Variants in CSNK2A2IP observed in about 807,000 individuals in gnomAD.
The protein encoded by CSNK2A2IP is casein kinase 2 subunit alpha' interacting protein.
At chr3:88,442,250 G>A in the CSNK2A2IP span, among the ~76,000 whole-genome samples, 1 of 151,954 alleles carries the variant, frequency 6.6e-6, no homozygotes, top group African/African-American at 2.4e-5. Context: ...AGGTTGTTCA[G>A]GCTGGTCTCC....
the CSNK2A2IP span, among the ~76,000 whole-genome samples, chr3:88,400,460 A>G: frequency 6.6e-6 from 1 of 152,210 alleles, no homozygotes; most frequent in Non-Finnish European, 1.5e-5. Context: ...GTATATTATC[A>G]TACATGGCAA....
At chr3:88,380,901 C>T in the CSNK2A2IP span, among the ~76,000 whole-genome samples, 1 of 152,124 alleles carries the variant, frequency 6.6e-6, no homozygotes, top group South Asian at 2.1e-4. Context: ...CTAATATCTT[C>T]CAGCTAAGTG....
the CSNK2A2IP span, among the ~76,000 whole-genome samples, chr3:88,363,742 G>A: frequency 6.6e-6 from 1 of 152,122 alleles, no homozygotes; most frequent in Admixed American, 6.6e-5. Flanking sequence ...TTTATGACTT[G>A]TTCACTGGGT....
chr3:88,405,709 C>T, the CSNK2A2IP span, among the ~76,000 whole-genome samples: 1 of 152,134 alleles, frequency 6.6e-6, no homozygotes, highest in South Asian at 2.1e-4. Context: ...TTGAGCATGT[C>T]GTATATTTCC....
chr3:88,405,995 A>C, the CSNK2A2IP span, among the ~76,000 whole-genome samples: 76 of 152,232 alleles, frequency 5.0e-4, no homozygotes, highest in East Asian at 0.015. Context: ...GAGTGGAGCT[A>C]TATTAGATAA....
At chr3:88,386,252 G>A in the CSNK2A2IP span, among the ~76,000 whole-genome samples, 1 of 151,972 alleles carries the variant, frequency 6.6e-6, no homozygotes, top group African/African-American at 2.4e-5. Flanking sequence ...AGTCTCCCAA[G>A]TTGCTGGGAT....
chr3:88,430,692 A>C, the CSNK2A2IP span, among the ~76,000 whole-genome samples: 1 of 152,156 alleles, frequency 6.6e-6, no homozygotes, highest in Admixed American at 6.5e-5. Flanking sequence ...ATGTAAGATA[A>C]ATTTTCAGAT....
the CSNK2A2IP span, among the ~76,000 whole-genome samples, chr3:88,462,763 G>A: frequency 0.29 from 44,370 of 151,940 alleles, 7,181 homozygotes; most frequent in East Asian, 0.48. Context: ...TCTCTGGAAA[G>A]AGAAATAACT....
the CSNK2A2IP span, among the ~76,000 whole-genome samples, chr3:88,364,896 C>A: frequency 6.6e-6 from 1 of 152,158 alleles, no homozygotes; most frequent in Non-Finnish European, 1.5e-5. Flanking sequence ...ATTTATTTAG[C>A]ACCTACAATG....
the CSNK2A2IP span, among the ~76,000 whole-genome samples, chr3:88,397,901 A>C: frequency 3.3e-5 from 5 of 152,030 alleles, no homozygotes; most frequent in Non-Finnish European, 7.4e-5. Context: ...GGTGCCATCT[A>C]CTATTTTATT....
the CSNK2A2IP span, among the ~76,000 whole-genome samples, chr3:88,345,292 T>C: frequency 6.6e-6 from 1 of 152,042 alleles, no homozygotes. Flanking sequence ...ATTCATGTTA[T>C]TAAATTCTCA....
the CSNK2A2IP span, among the ~76,000 whole-genome samples, chr3:88,448,094 C>T: frequency 6.6e-6 from 1 of 152,100 alleles, no homozygotes. Flanking sequence ...AATAAGGAAC[C>T]TGGTGGAGGG....
chr3:88,418,463 T>TGCACGC, the CSNK2A2IP span, among the ~76,000 whole-genome samples: 1 of 149,536 alleles, frequency 6.7e-6, no homozygotes, highest in African/African-American at 2.5e-5. Context: ...TGTGTGTGTG[T>TGCACGC]GCGCGCGGGC....
At chr3:88,396,853 A>G in the CSNK2A2IP span, among the ~76,000 whole-genome samples, 13,746 of 152,258 alleles carry the variant, frequency 0.09, 792 homozygotes, top group Middle Eastern at 0.13. Context: ...GGGTACAGCA[A>G]TAGTCCAAAG....
At chr3:88,449,389 TA>T in the CSNK2A2IP span, among the ~76,000 whole-genome samples, 29 of 152,260 alleles carry the variant, frequency 1.9e-4, no homozygotes, top group African/African-American at 6.7e-4. Context: ...TCTCAGAAAA[TA>T]ACCTTGTTTG....
At chr3:88,358,712 T>C in the CSNK2A2IP span, among the ~76,000 whole-genome samples, 2 of 152,210 alleles carry the variant, frequency 1.3e-5, no homozygotes, top group Non-Finnish European at 2.9e-5. Flanking sequence ...TGAATCTTTT[T>C]ACTGTGTTGT....
At chr3:88,465,509 A>T in the CSNK2A2IP span, 1 of 1,231,616 alleles carries the variant, frequency 8.1e-7, no homozygotes, top group Non-Finnish European at 1.0e-6. Flanking sequence ...TCCCATAGCA[A>T]TCACTTTGCA....
the CSNK2A2IP span, among the ~76,000 whole-genome samples, chr3:88,383,813 G>A: frequency 2.0e-5 from 3 of 151,868 alleles, no homozygotes; most frequent in Non-Finnish European, 2.9e-5. Flanking sequence ...ACAGGTGCCC[G>A]CCACCACGCC....
the CSNK2A2IP span, among the ~76,000 whole-genome samples, chr3:88,362,909 G>T: frequency 9.9e-5 from 15 of 152,080 alleles, no homozygotes; most frequent in Non-Finnish European, 1.3e-4. Context: ...CCTGGAGTTG[G>T]GGGAGAAGTG....
Sources: gnomAD v4.1 joint callset for allele counts (sites outside exome capture counted in the v4.1 genomes callset) on GRCh38, gnomAD v4.1.1 for gene constraint, MANE v1.5 for transcripts, NCBI Gene and HGNC (gene_info 2026-07-23, HGNC 2026-07-21) for gene names.